The following SLC44A5 variants were observed in gnomAD, a reference collection of about 807,000 sequenced individuals.
SLC44A5 encodes the protein solute carrier family 44 member 5.
SLC44A5 carries 57 observed loss-of-function variants against 101.8 expected under a neutral mutation model. The ratio of observed to expected loss-of-function variants is 0.56; its 90% CI spans 0.45 to 0.70. SLC44A5 has a LOEUF of 0.70. Ranked by LOEUF, SLC44A5 falls within the 30% of genes least tolerant of loss-of-function variation. The pLI is 0.00. For synonymous variants in SLC44A5, 281 were observed against 290.9 expected, an observed-to-expected ratio of 0.97 and a Z score of 0.35; for missense variants, 737 against 853.1, an observed-to-expected ratio of 0.86 and a Z score of 1.70.
At chr1:75,506,737 CT>C (rs1669278324) in intron 2 of SLC44A5, among the ~76,000 whole-genome samples, 1 of 151,622 alleles carries the variant, frequency 6.6e-6, no homozygotes, top group Non-Finnish European at 1.5e-5. Context: ...TTGGTGGAGT[CT>C]TTTGGGTTTT....
At chr1:75,282,510 G>C (rs1652686554) in intron 5 of SLC44A5, among the ~76,000 whole-genome samples, 1 of 152,134 alleles carries the variant, frequency 6.6e-6, no homozygotes, top group African/African-American at 2.4e-5. Flanking sequence ...AGAAGCATGT[G>C]AGATTTGGAA....
At chr1:75,409,021 A>G (rs928244199) in intron 2 of SLC44A5, among the ~76,000 whole-genome samples, 1 of 152,192 alleles carries the variant, frequency 6.6e-6, no homozygotes, top group East Asian at 1.9e-4. Context: ...TCCATAAGAA[A>G]GAATGAAATC....
chr1:75,282,889 G>T (rs1652722189), intron 5 of SLC44A5, among the ~76,000 whole-genome samples: 1 of 152,076 alleles, frequency 6.6e-6, no homozygotes, highest in Admixed American at 6.6e-5. Context: ...CCCAGTCTTG[G>T]GTATGTTTTT....
At chr1:75,478,101 C>A (rs1428502714) in intron 2 of SLC44A5, among the ~76,000 whole-genome samples, 1 of 152,200 alleles carries the variant, frequency 6.6e-6, no homozygotes, top group Non-Finnish European at 1.5e-5. Context: ...CAATATTCAA[C>A]ATTCTTAAAG....
At chr1:75,452,034 C>A (rs944090036) in intron 2 of SLC44A5, among the ~76,000 whole-genome samples, 3 of 152,078 alleles carry the variant, frequency 2.0e-5, no homozygotes, top group African/African-American at 7.2e-5. Context: ...CATCCAGATA[C>A]AAGAAATCCA....
the SLC44A5 span, among the ~76,000 whole-genome samples, chr1:75,672,221 G>T: frequency 7.9e-5 from 12 of 152,244 alleles, no homozygotes; most frequent in Admixed American, 5.2e-4. Flanking sequence ...GGCTTGAATT[G>T]CCTATGCCAC....
chr1:75,606,738 A>G (rs1235740849), intron 1 of SLC44A5, among the ~76,000 whole-genome samples: 1 of 152,074 alleles, frequency 6.6e-6, no homozygotes, highest in Admixed American at 6.6e-5. Flanking sequence ...ATTAATAAAT[A>G]CAATGGCCAT....
At chr1:75,349,674 A>C (rs1197261975) in intron 3 of SLC44A5, among the ~76,000 whole-genome samples, 6 of 152,202 alleles carry the variant, frequency 3.9e-5, no homozygotes, top group South Asian at 2.1e-4. Flanking sequence ...GTGAAGAACT[A>C]TGGAGAAAGG....
At chr1:75,299,380 T>C (rs1654237387) in intron 5 of SLC44A5, among the ~76,000 whole-genome samples, 1 of 152,202 alleles carries the variant, frequency 6.6e-6, no homozygotes, top group South Asian at 2.1e-4. Context: ...CTTTTGGAAA[T>C]GACTTTCAGT....
intron 1 of SLC44A5, among the ~76,000 whole-genome samples, chr1:75,543,007 T>C (rs1004987016): frequency 6.6e-6 from 1 of 152,164 alleles, no homozygotes; most frequent in Non-Finnish European, 1.5e-5. Context: ...AAAGAGTCTA[T>C]ATATTATTCA....
intron 2 of SLC44A5, among the ~76,000 whole-genome samples, chr1:75,407,734 G>A (rs978272852): frequency 6.6e-6 from 1 of 152,152 alleles, no homozygotes; most frequent in Non-Finnish European, 1.5e-5. Context: ...AGTCTTAAAT[G>A]TAATACCTAA....
the SLC44A5 span, among the ~76,000 whole-genome samples, chr1:75,631,529 C>CA: frequency 6.7e-6 from 1 of 148,648 alleles, no homozygotes; most frequent in African/African-American, 2.5e-5. Context: ...TGCACAACCA[C>CA]ACCTGGCTAA....
At chr1:75,530,674 T>G (rs1473844320) in intron 2 of SLC44A5, among the ~76,000 whole-genome samples, 1 of 152,160 alleles carries the variant, frequency 6.6e-6, no homozygotes, top group Non-Finnish European at 1.5e-5. Flanking sequence ...CAGTACTACC[T>G]CCCGACTTTA....
intron 1 of SLC44A5, among the ~76,000 whole-genome samples, chr1:75,604,475 G>A (rs1675201079): frequency 1.3e-5 from 2 of 151,680 alleles, no homozygotes; most frequent in South Asian, 4.2e-4. Flanking sequence ...CTTTTTTCTT[G>A]GGATTACTTT....
chr1:75,454,768 C>A (rs1666095496), intron 2 of SLC44A5, among the ~76,000 whole-genome samples: 1 of 151,924 alleles, frequency 6.6e-6, no homozygotes, highest in South Asian at 2.1e-4. Flanking sequence ...AGAGCCAAAT[C>A]AGGAACATAA....
At chr1:75,514,429 T>C (rs1272816780) in intron 2 of SLC44A5, among the ~76,000 whole-genome samples, 1 of 152,204 alleles carries the variant, frequency 6.6e-6, no homozygotes, top group Non-Finnish European at 1.5e-5. Flanking sequence ...ACTCAGATAC[T>C]CTACAGGCCC....
At chr1:75,618,438 CTG>C in the SLC44A5 span, among the ~76,000 whole-genome samples, 1 of 152,210 alleles carries the variant, frequency 6.6e-6, no homozygotes, top group East Asian at 1.9e-4. Context: ...ATAGCCCACA[CTG>C]TGTGTTTTTG....
rs61300748 is a variant in SLC44A5, at chr1:75,211,814, CTTTCT to C, written c.1963-267_1963-263del. On this transcript the variant is annotated intron_variant, in intron 22 of 23. Transcript: ENST00000370859. ...TCTTTCTTCCTTCCCTTCCTTTCCC[CTTTCT>C]TTTCTTTTCTTTTCTTTTTTTTCTT... Among the ~76,000 whole-genome samples the C allele has an allele frequency of 1.2e-3, 176 of 146,766 alleles. 1 individual carries two copies. The highest frequency in any genetic ancestry group is 7.1e-3 in the Middle Eastern group (2 of 282).
the SLC44A5 span, among the ~76,000 whole-genome samples, chr1:75,635,809 A>G: frequency 0.49 from 74,100 of 151,102 alleles, 19,382 homozygotes; most frequent in East Asian, 0.93. Context: ...AAGTATAATA[A>G]TAATAAAAAA....
Sources: allele counts gnomAD v4.1 joint callset (sites outside exome capture counted in the v4.1 genomes callset), GRCh38; gene constraint gnomAD v4.1.1; transcripts MANE v1.5; gene names NCBI Gene and HGNC (gene_info 2026-07-23, HGNC 2026-07-21).